The following ZNF426 variants were observed in gnomAD, a reference collection of about 807,000 sequenced individuals.
ZNF426 encodes zinc finger protein 426, also known as CTC-543D15.7.
A neutral mutation model predicts 24.0 loss-of-function variants in ZNF426; 23 were observed. The observed-to-expected ratio is 0.96, with a 90% CI of 0.69 to 1.36. The LOEUF is 1.36. ZNF426 is among the 40% of genes most tolerant of loss of function. The pLI, the probability that ZNF426 is intolerant of heterozygous loss-of-function variation, is 0.00. For missense variants in ZNF426, 646 were observed against 658.4 expected (o/e 0.98, Z 0.21); for synonymous variants, 272 against 224.6 (o/e 1.21, Z -1.89).
chr19:9,532,758 G>T, intron 6 of ZNF426, 87 bp downstream of exon 6: 1 of 963,616 alleles, frequency 1.0e-6, no homozygotes, highest in South Asian at 1.4e-5. Context: ...AGTGCAGGGA[G>T]AAAGTACATG....
In ZNF426 at chr19:9,529,116, C is replaced by T. The variant is rs1429579907; in HGVS notation, c.929G>A (p.Cys310Tyr). 1.2e-6 allele frequency: 2 copies of T among 1,614,154 alleles called. No individual in the cohort carries two copies. Among genetic ancestry groups the T allele is most frequent in the African/African-American group, 1.3e-5 (1 of 75,052 alleles). Residue 310 changes from cysteine to tyrosine, a missense_variant, in exon 8 of 8, where the codon TGT becomes TAT. Cys to Tyr is a radical substitution (Grantham distance 194). Transcript: ENST00000253115. ...ATTGAAGGCTTTCCCACATTCCTTA[C>T]ATTCATATGGTTTCTCCCCAGTGTG... ...RTHTGEKPYE[C>Y]KECGKAFNYS...
intron 4 of ZNF426, 38 bp downstream of exon 4, chr19:9,535,150 A>C (rs1263213305): frequency 1.3e-6 from 2 of 1,517,608 alleles, no homozygotes; most frequent in Non-Finnish European, 1.8e-6. Context: ...GGTGGATGCA[A>C]GTATGTCACT....
In ZNF426 at chr19:9,536,327, A is replaced by C. The variant is rs771244510; in HGVS notation, c.-95T>G. Reference sequence around the variant, plus strand: ...ATCTAAATGGACAGTGGCAATCTCCATTCCTCTTTAAACAGGGTTATTGGG... The same window carrying C: ...ATCTAAATGGACAGTGGCAATCTCCCTTCCTCTTTAAACAGGGTTATTGGG... On this transcript the variant is annotated 5_prime_UTR_variant, in exon 3 of 8. It removes an upstream start codon present in the reference 5' UTR. Coordinates refer to ENST00000253115, the MANE Select transcript of ZNF426 (RefSeq NM_024106.3). The C allele has an allele frequency of 3.5e-5, 57 of 1,610,938 alleles. No individual in the cohort carries two copies. Among genetic ancestry groups the C allele is most frequent in the Non-Finnish European group, 4.5e-5 (53 of 1,178,628 alleles).
rs150850267 is a variant in ZNF426 at position 9,528,534 on chromosome 19, T to C, written c.1511A>G (p.Tyr504Cys). 2.5e-6 allele frequency: 4 copies of C among 1,613,976 alleles called. No individual in the cohort carries two copies. Among genetic ancestry groups the C allele is most frequent in the African/African-American group, 2.7e-5 (2 of 74,890 alleles). ...HERTHTGEKP[Y>C]ECKECGKAFT... Reference sequence around the variant, plus strand: ...GGCTTTCCCACACTCCTTGCATTCATAGGGTTTCTCTCCAGTGTGAGTCCT... The same window carrying C: ...GGCTTTCCCACACTCCTTGCATTCACAGGGTTTCTCTCCAGTGTGAGTCCT... Residue 504 changes from tyrosine (Y) to cysteine (C), a missense_variant, in exon 8 of 8, where the codon TAT becomes TGT. By Grantham distance (194) the Tyr-to-Cys change is radical (BLOSUM62 -2). Coordinates refer to ENST00000253115, the MANE Select transcript of ZNF426 (RefSeq NM_024106.3).
rs2073775633 is a variant in ZNF426 at position 9,524,831 on chromosome 19, T to A, written c.*3549A>T. 1 of 151,344 alleles carries A rather than the reference T, an allele frequency of 6.6e-6. No individual in the cohort carries two copies. Among genetic ancestry groups the A allele is most frequent in the African/African-American group, 2.4e-5 (1 of 41,228 alleles). 9.4% of individuals were successfully genotyped at this position (151,344 alleles called of 1,614,324 possible). ...AAATTCAAGAATTTATCATACTACT[T>A]ATATTCACAGGGTTTCTTTACCATG... On this transcript the variant is annotated 3_prime_UTR_variant, in exon 8 of 8. Coordinates refer to ENST00000253115, the MANE Select transcript of ZNF426 (RefSeq NM_024106.3).
chr19:9,530,934 C>T, intron 7 of ZNF426, 51 bp downstream of exon 7: 2 of 1,464,324 alleles, frequency 1.4e-6, no homozygotes, highest in Non-Finnish European at 1.9e-6. Flanking sequence ...TAACAGAATT[C>T]CTGATTTTCT....
At chr19:9,532,703 G>A (rs2073905244) in intron 6 of ZNF426, 142 bp downstream of exon 6, 6 of 605,516 alleles carry the variant, frequency 9.9e-6, no homozygotes, top group Non-Finnish European at 1.4e-5. Context: ...AAAAGCGTGT[G>A]GGAAGTTAAA....
At position 9,532,030 on chromosome 19, in the gene ZNF426, T is replaced by C. The variant is rs149766367; in HGVS notation, c.325+815A>G. On this transcript the variant is annotated intron_variant, in intron 6 of 7. Coordinates refer to ENST00000253115, the MANE Select transcript of ZNF426 (RefSeq NM_024106.3). The stretch of plus-strand genomic sequence containing the variant: ...AAAAGCCACAATTAACTTAAAGAAA[T>C]GTTCTAAGACCCCAGGTGGATGCCT... 7.4e-4 allele frequency among the ~76,000 whole-genome samples: 112 copies of C among 152,104 alleles called. 1 individual carries two copies. Among genetic ancestry groups the C allele is most frequent in the Middle Eastern group, 3.4e-3 (1 of 294 alleles).
At chr19:9,538,492 C>T (rs1042809899) in intron 1 of ZNF426, 83 bp downstream of exon 1, 6 of 152,330 alleles carry the variant, frequency 3.9e-5, no homozygotes, top group African/African-American at 9.6e-5. Flanking sequence ...CCAGCAGACA[C>T]GAGCAGAGCG....
At chr19:9,531,842 A>G (rs1453738164) in intron 6 of ZNF426, among the ~76,000 whole-genome samples, 4 of 152,106 alleles carry the variant, frequency 2.6e-5, no homozygotes, top group Non-Finnish European at 5.9e-5. Context: ...AAAATTAGCC[A>G]GGCATGGTGG....
At position 9,536,273 on chromosome 19, in the gene ZNF426, T is replaced by C. The variant is rs1430918391; in HGVS notation, c.-41A>G. 3 of 1,614,088 alleles carry C rather than the reference T, an allele frequency of 1.9e-6. No homozygotes were observed. The highest frequency in any genetic ancestry group is 2.2e-5 in the East Asian group (1 of 44,900). On this transcript the variant is annotated 5_prime_UTR_variant, in exon 3 of 8. Transcript: ENST00000253115. The stretch of plus-strand genomic sequence containing the variant: ...CGTGTCAGAACCCTCCTTTCATTGA[T>C]GTCACCATCACTTCAGGACACCTCA...
At position 9,529,431 on chromosome 19, in the gene ZNF426, A is replaced by AT. The variant is rs767692275; in HGVS notation, c.613dup (p.Ile205AsnfsTer14). 6.2e-7 allele frequency: 1 copy of AT among 1,613,684 alleles called. No homozygotes were observed. The highest frequency in any genetic ancestry group is 1.1e-5 in the South Asian group (1 of 90,938). On this transcript the variant is annotated frameshift_variant, in exon 8 of 8. Transcript: ENST00000253115. LOFTEE classifies it low-confidence loss of function (END_TRUNC). ...TACAATATTTGGTGTCAGGCTGAAGATTTTTTCACTCTGATTAAACTCAGA... is the reference window on the plus strand; with the variant it reads ...TACAATATTTGGTGTCAGGCTGAAGATTTTTTTCACTCTGATTAAACTCAGA...
At chr19:9,530,368 T>C (rs1458599520) in intron 7 of ZNF426, among the ~76,000 whole-genome samples, 2 of 151,814 alleles carry the variant, frequency 1.3e-5, no homozygotes, top group African/African-American at 4.8e-5. Flanking sequence ...GGTGGGAGGA[T>C]CACTTGAGCC....
chr19:9,530,097 G>A (rs1293811796), intron 7 of ZNF426, among the ~76,000 whole-genome samples: 1 of 151,958 alleles, frequency 6.6e-6, no homozygotes, highest in Admixed American at 6.6e-5. Flanking sequence ...CTCTAGCCTG[G>A]GCAACAAAGC....
At chr19:9,533,783 G>GT in intron 5 of ZNF426, 57 bp downstream of exon 5, 1 of 1,605,642 alleles carries the variant, frequency 6.2e-7, no homozygotes, top group Non-Finnish European at 8.5e-7. Flanking sequence ...CTGCAAAACA[G>GT]TAAGTACAAA....
chr19:9,532,278 C>CTTTT (rs1020434068), intron 6 of ZNF426, among the ~76,000 whole-genome samples: 112 of 117,404 alleles, frequency 9.5e-4, no homozygotes, highest in African/African-American at 1.9e-3. Context: ...TTCTTTTTTT[C>CTTTT]TTTTTTTTTT....
chr19:9,534,487 G>C (rs1450100453), intron 4 of ZNF426, among the ~76,000 whole-genome samples: 2 of 152,176 alleles, frequency 1.3e-5, no homozygotes, highest in Admixed American at 6.5e-5. Flanking sequence ...TTACAGGCAT[G>C]AGCCACTGTG....
chr19:9,535,315 AC>A, intron 3 of ZNF426, 36 bp from the exon 4 acceptor site: 1 of 1,516,732 alleles, frequency 6.6e-7, no homozygotes, highest in Non-Finnish European at 9.1e-7. Context: ...CCCCGAGCTG[AC>A]CATAATCCCC....
rs1220917412 is a variant in ZNF426, at chr19:9,526,930, T to C, written c.*1450A>G. 6.6e-6 allele frequency: 1 copy of C among 152,190 alleles called. No individual in the cohort carries two copies. The highest frequency in any genetic ancestry group is 6.5e-5 in the Admixed American group (1 of 15,268). The allele number at this position is 152,190 out of a possible 1,614,324, so 9.4% of individuals were successfully genotyped here. Reference sequence around the variant, plus strand: ...GAAGTGAAGGTAAAATAAAAATGTTTATTTTTCTAATACTTAATTGATCTG... The same window carrying C: ...GAAGTGAAGGTAAAATAAAAATGTTCATTTTTCTAATACTTAATTGATCTG... On this transcript the variant is annotated 3_prime_UTR_variant, in exon 8 of 8. Transcript: ENST00000253115.
Sources: gnomAD v4.1 joint callset for allele counts (sites outside exome capture counted in the v4.1 genomes callset) on GRCh38, gnomAD v4.1.1 for gene constraint, MANE v1.5 for transcripts, NCBI Gene and HGNC (gene_info 2026-07-23, HGNC 2026-07-21) for gene names.